The following CSMD1 variants were observed in gnomAD, a reference collection of about 807,000 sequenced individuals.
CSMD1 encodes the protein CUB and Sushi multiple domains 1, also known as CUB and sushi domain-containing protein 1.
In CSMD1, 213 loss-of-function variants were observed where a neutral mutation model predicts 417.5. The observed-to-expected ratio is 0.51, with a 90% CI of 0.46 to 0.57. The LOEUF (loss-of-function observed/expected upper bound fraction) is 0.57. Ranked by LOEUF, CSMD1 falls within the 20% of genes least tolerant of loss-of-function variation. The pLI is 0.00. For synonymous variants in CSMD1, 2,862 were observed against 1,736.8 expected, an observed-to-expected ratio of 1.65 and a Z score of -16.11; for missense variants, 6,923 against 4,529.7, an observed-to-expected ratio of 1.53 and a Z score of -15.17.
intron 54 of CSMD1, among the ~76,000 whole-genome samples, chr8:2,989,953 G>A (rs1043366445): frequency 1.3e-5 from 2 of 152,160 alleles, no homozygotes; most frequent in African/African-American, 4.8e-5. Context: ...CATCATTTGG[G>A]ATATAGTAGG....
intron 3 of CSMD1, among the ~76,000 whole-genome samples, chr8:4,233,269 T>C (rs1318655994): frequency 1.3e-5 from 2 of 152,212 alleles, no homozygotes; most frequent in African/African-American, 2.4e-5. Flanking sequence ...CTTCTTTGTA[T>C]GCAGAAGTGC....
At chr8:3,741,096 T>A (rs1263495831) in intron 6 of CSMD1, among the ~76,000 whole-genome samples, 2 of 151,632 alleles carry the variant, frequency 1.3e-5, no homozygotes, top group Non-Finnish European at 2.9e-5. Flanking sequence ...GTGCCTGTGA[T>A]CCCAGCTACT....
At chr8:4,169,116 C>T (rs1483117557) in intron 3 of CSMD1, among the ~76,000 whole-genome samples, 1 of 152,200 alleles carries the variant, frequency 6.6e-6, no homozygotes, top group East Asian at 1.9e-4. Context: ...CTTTTCTCAT[C>T]CCTGTAAGCT....
intron 7 of CSMD1, among the ~76,000 whole-genome samples, chr8:3,659,693 T>C (rs1158745912): frequency 1.3e-5 from 2 of 151,872 alleles, no homozygotes; most frequent in Non-Finnish European, 2.9e-5. Flanking sequence ...ATATGGGCTT[T>C]CCAAACAAGC....
intron 3 of CSMD1, among the ~76,000 whole-genome samples, chr8:4,201,291 C>T (rs1470492171): frequency 6.6e-6 from 1 of 152,118 alleles, no homozygotes; most frequent in Non-Finnish European, 1.5e-5. Context: ...GTAATCCCAG[C>T]ACTTTGGGAG....
chr8:3,327,627 G>A (rs1183958383), intron 23 of CSMD1, among the ~76,000 whole-genome samples: 1 of 152,088 alleles, frequency 6.6e-6, no homozygotes, highest in African/African-American at 2.4e-5. Flanking sequence ...TAGTGACCTG[G>A]GAATAGTAAA....
intron 6 of CSMD1, among the ~76,000 whole-genome samples, chr8:3,744,746 G>A (rs978331789): frequency 1.3e-5 from 2 of 152,090 alleles, no homozygotes; most frequent in East Asian, 1.9e-4. Context: ...ACAGCATTAG[G>A]GTAATGTAGG....
chr8:3,970,947 C>T (rs1450420018), intron 5 of CSMD1, among the ~76,000 whole-genome samples: 1 of 152,050 alleles, frequency 6.6e-6, no homozygotes, highest in Admixed American at 6.6e-5. Context: ...GATGAGGTTT[C>T]ACCATGTTGG....
chr8:3,597,394 C>G (rs1188740754), intron 8 of CSMD1, among the ~76,000 whole-genome samples: 3 of 148,478 alleles, frequency 2.0e-5, no homozygotes, highest in Non-Finnish European at 4.5e-5. Flanking sequence ...AAGCTGATTT[C>G]TATGGAATCC....
intron 7 of CSMD1, among the ~76,000 whole-genome samples, chr8:3,679,390 C>G (rs1053244467): frequency 6.6e-6 from 1 of 152,112 alleles, no homozygotes; most frequent in Admixed American, 6.5e-5. Context: ...CAATCCTAGT[C>G]TCTGATAAAA....
intron 3 of CSMD1, among the ~76,000 whole-genome samples, chr8:4,307,941 C>G (rs981334995): frequency 2.6e-5 from 4 of 152,078 alleles, no homozygotes; most frequent in African/African-American, 9.7e-5. Context: ...CAAGGGTCTT[C>G]GGTGTAACAG....
intron 5 of CSMD1, among the ~76,000 whole-genome samples, chr8:3,810,864 C>G (rs535904894): frequency 6.6e-6 from 1 of 152,252 alleles, no homozygotes; most frequent in Admixed American, 6.5e-5. Context: ...GGCTCCTGTT[C>G]AGCTTTAAAC....
At chr8:4,708,455 G>C (rs1252194648) in intron 1 of CSMD1, among the ~76,000 whole-genome samples, 3 of 152,048 alleles carry the variant, frequency 2.0e-5, no homozygotes, top group Admixed American at 6.6e-5. Flanking sequence ...AACAAATATA[G>C]GAACAATGAA....
intron 3 of CSMD1, among the ~76,000 whole-genome samples, chr8:4,388,473 G>A: frequency 6.6e-6 from 1 of 151,120 alleles, no homozygotes; most frequent in Non-Finnish European, 1.5e-5. Context: ...AACATCATAT[G>A]TTCTCACTGA....
chr8:3,441,521 AC>A (rs1814985212), intron 12 of CSMD1, among the ~76,000 whole-genome samples: 2 of 151,390 alleles, frequency 1.3e-5, no homozygotes, highest in Non-Finnish European at 2.9e-5. Context: ...ACACACACAC[AC>A]ACAAAATCCT....
intron 2 of CSMD1, among the ~76,000 whole-genome samples, chr8:4,567,732 T>C (rs1798684213): frequency 6.6e-6 from 1 of 152,148 alleles, no homozygotes; most frequent in Non-Finnish European, 1.5e-5. Context: ...CTTACTGATA[T>C]ATGCTATCTA....
intron 1 of CSMD1, among the ~76,000 whole-genome samples, chr8:4,955,478 C>G (rs1809036969): frequency 6.6e-6 from 1 of 150,756 alleles, no homozygotes; most frequent in Non-Finnish European, 1.5e-5. Flanking sequence ...TATTGTGAGA[C>G]AGAGTCTCAC....
At chr8:3,134,198 G>C (rs1164537718) in intron 41 of CSMD1, among the ~76,000 whole-genome samples, 2 of 151,788 alleles carry the variant, frequency 1.3e-5, no homozygotes, top group Non-Finnish European at 2.9e-5. Flanking sequence ...AAGAGAAAAA[G>C]AAAAACAAAA....
intron 26 of CSMD1, among the ~76,000 whole-genome samples, chr8:3,251,682 C>T (rs1053279438): frequency 1.3e-5 from 2 of 152,154 alleles, no homozygotes; most frequent in African/African-American, 4.8e-5. Flanking sequence ...AATATTGATT[C>T]TTCCTACCCA....
Sources: gnomAD v4.1 joint callset for allele counts (sites outside exome capture counted in the v4.1 genomes callset) on GRCh38, gnomAD v4.1.1 for gene constraint, MANE v1.5 for transcripts, NCBI Gene and HGNC (gene_info 2026-07-23, HGNC 2026-07-21) for gene names.